The following CENPS variants were observed in gnomAD, a reference collection of about 807,000 sequenced individuals.
CENPS encodes the protein FANCM associated histone fold protein 1.
Under a neutral mutation model 17.9 loss-of-function variants are expected in CENPS, and 16 were observed. That is an observed-to-expected ratio of 0.90 (90% CI 0.61 to 1.36). The LOEUF is 1.36. Among genes scored for constraint, CENPS ranks in the 40% most tolerant of loss-of-function variants. The pLI, the probability that CENPS is intolerant of heterozygous loss-of-function variation, is 0.00. For missense variants in CENPS, 160 were observed against 158.6 expected (o/e 1.01, Z -0.05); for synonymous variants, 49 against 55.8 (o/e 0.88, Z 0.54).
intron 3 of CENPS, 135 bp downstream of exon 3, chr1:10,434,825 G>C: frequency 7.8e-7 from 1 of 1,275,362 alleles, no homozygotes; most frequent in Admixed American, 3.0e-5. Context: ...TCTAATCATG[G>C]TTCTGCAAGA....
intron 3 of CENPS, among the ~76,000 whole-genome samples, chr1:10,436,661 G>T (rs1412603090): frequency 2.0e-5 from 3 of 147,298 alleles, no homozygotes; most frequent in African/African-American, 7.6e-5. Context: ...AGTCGAGATC[G>T]TGCCCCTTCA....
At chr1:10,436,002 CAG>C (rs1432901598) in intron 3 of CENPS, among the ~76,000 whole-genome samples, 4 of 146,100 alleles carry the variant, frequency 2.7e-5, no homozygotes, top group African/African-American at 5.1e-5. Context: ...TTTTTGGAGA[CAG>C]AGTCTCACTC....
chr1:10,430,953 G>T, intron 1 of CENPS: 1 of 1,255,326 alleles, frequency 8.0e-7, no homozygotes, highest in Non-Finnish European at 1.0e-6. Flanking sequence ...GTTCGGGCCG[G>T]AGCTCTGGAA....
At chr1:10,439,154 T>C (rs961649183) in intron 3 of CENPS, among the ~76,000 whole-genome samples, 1 of 152,190 alleles carries the variant, frequency 6.6e-6, no homozygotes, top group Non-Finnish European at 1.5e-5. Context: ...TTTGGCCAAA[T>C]TATGGAGAAT....
chr1:10,438,157 T>C (rs1230726622), intron 3 of CENPS, among the ~76,000 whole-genome samples: 1 of 151,798 alleles, frequency 6.6e-6, no homozygotes, highest in Non-Finnish European at 1.5e-5. Flanking sequence ...GTTTTGTTTG[T>C]TTTTTGAGAC....
intron 1 of CENPS, among the ~76,000 whole-genome samples, chr1:10,432,115 T>G (rs1162435157): frequency 6.6e-6 from 1 of 152,040 alleles, no homozygotes; most frequent in African/African-American, 2.4e-5. Flanking sequence ...GAAACGTAGT[T>G]TCACTCTTGT....
In CENPS at chr1:10,431,010, G is replaced by T. The variant is rs1017343136; in HGVS notation, c.51+442G>T. On this transcript the variant is annotated intron_variant, in intron 1 of 4. Coordinates refer to ENST00000309048, the MANE Select transcript of CENPS (RefSeq NM_199294.3). ...CCCCTCGTTACTGATGCAGGGACGC[G>T]GTGCGGACCAGTCAGGCCCAGAGCT... 3.9e-6 allele frequency: 5 copies of T among 1,294,454 alleles called. No homozygotes were observed. The Admixed American group carries it at 1.4e-4, about 37-fold the overall frequency. 80.2% of individuals were successfully genotyped at this position (1,294,454 alleles called of 1,614,324 possible).
intron 3 of CENPS, among the ~76,000 whole-genome samples, chr1:10,435,396 G>A (rs1449924730): frequency 6.6e-6 from 1 of 151,818 alleles, no homozygotes; most frequent in Admixed American, 6.6e-5. Context: ...CCTTGTTCCC[G>A]TTAGCTCTTT....
In CENPS at chr1:10,442,308, A is replaced by T; in HGVS notation, c.320A>T (p.Asn107Ile). The T allele has an allele frequency of 6.2e-7, 1 of 1,603,968 alleles. No individual in the cohort carries two copies. The highest frequency in any genetic ancestry group is 8.5e-7 in the Non-Finnish European group (1 of 1,177,736). Reference sequence around the variant, plus strand: ...AAAAGTGAAGAGATTGCTCAGATTAACCTAGAACGAAAAGCACAGAAGAAA... The same window carrying T: ...AAAAGTGAAGAGATTGCTCAGATTATCCTAGAACGAAAAGCACAGAAGAAA... The part of the protein sequence containing the change: ...TDKSEEIAQI[N>I]LERKAQKKKK... Residue 107 changes from asparagine (N) to isoleucine (I), a missense_variant, in exon 5 of 5, where the codon AAC becomes ATC. By Grantham distance (149) the Asn-to-Ile change is moderately radical (BLOSUM62 -3). Coordinates refer to ENST00000309048, the MANE Select transcript of CENPS (RefSeq NM_199294.3).
intron 3 of CENPS, among the ~76,000 whole-genome samples, chr1:10,434,967 C>T (rs1451835305): frequency 6.6e-6 from 1 of 152,170 alleles, no homozygotes; most frequent in Non-Finnish European, 1.5e-5. Flanking sequence ...ATCTCCAGGA[C>T]CCTGAATGCT....
chr1:10,434,812 G>C (rs1053286788), intron 3 of CENPS, 122 bp downstream of exon 3: 1 of 1,340,564 alleles, frequency 7.5e-7, no homozygotes, highest in East Asian at 2.7e-5. Flanking sequence ...GTGGAGGCTT[G>C]TCTCTAATCA....
chr1:10,431,313 C>G (rs1319708858), intron 1 of CENPS: 1 of 1,535,222 alleles, frequency 6.5e-7, no homozygotes, highest in Non-Finnish European at 8.7e-7. Flanking sequence ...GCGGGAGTTT[C>G]CTCTCTACAA....
chr1:10,430,648 G>GGCGGCTTCTCATCGGCACC lies in CENPS; in HGVS notation c.51+81_51+99dup, dbSNP rs1553176435. The GGCGGCTTCTCATCGGCACC allele has an allele frequency of 2.7e-6, 4 of 1,478,292 alleles. No individual in the cohort carries two copies. The African/African-American group carries it at 5.9e-5, about 22-fold the overall frequency. 91.6% of individuals were successfully genotyped at this position (1,478,292 alleles called of 1,614,324 possible). ...GACAGAAAAGTACCCGGCAGCCCCC[G>GGCGGCTTCTCATCGGCACC]GCGGCTTCTCATCGGCACCCCGCCC... is the stretch of plus-strand genomic sequence containing the variant. On this transcript the variant is annotated intron_variant, in intron 1 of 4. Transcript: ENST00000309048.
chr1:10,442,586 A>G lies in CENPS; in HGVS notation c.*181A>G. On this transcript the variant is annotated 3_prime_UTR_variant, in exon 5 of 5. Coordinates refer to ENST00000309048, the MANE Select transcript of CENPS (RefSeq NM_199294.3). ...TGTTAACTGCCAAAGCTAGTTTTAGAGAATGAGAAAGTCTTAAGCAAAATA... is the reference window on the plus strand; with the variant it reads ...TGTTAACTGCCAAAGCTAGTTTTAGGGAATGAGAAAGTCTTAAGCAAAATA... The G allele has an allele frequency of 9.0e-7, 1 of 1,108,798 alleles. No individual in the cohort carries two copies. Among genetic ancestry groups the G allele is most frequent in the Non-Finnish European group, 1.2e-6 (1 of 863,630 alleles). The allele number at this position is 1,108,798 out of a possible 1,614,324, so 68.7% of individuals were successfully genotyped here. A position where few individuals can be genotyped will look rare whatever the true frequency, so the allele number is the denominator to read the frequency against.
intron 4 of CENPS, 37 bp downstream of exon 4, chr1:10,440,450 A>G (rs758089951): frequency 2.3e-5 from 37 of 1,608,910 alleles, no homozygotes; most frequent in Non-Finnish European, 3.0e-5. Context: ...CCCCTTTCCC[A>G]TCGGAATACA....
At chr1:10,440,840 T>A (rs1019621257) in intron 4 of CENPS, among the ~76,000 whole-genome samples, 1 of 151,786 alleles carries the variant, frequency 6.6e-6, no homozygotes, top group East Asian at 1.9e-4. Flanking sequence ...CTAGAAATCA[T>A]TTGACCAAGC....
rs768705279 is a variant in CENPS, at chr1:10,430,581, G to A, written c.51+13G>A. On this transcript the variant is annotated intron_variant, in intron 1 of 4. Transcript: ENST00000309048. ...CTCTTACCAACAGGTACAGGAAAAC[G>A]GGGGTCGGGCTGGGCTGGGGCAGGA... The A allele has an allele frequency of 2.0e-6, 3 of 1,533,728 alleles. No homozygotes were observed. The highest frequency in any genetic ancestry group is 8.8e-7 in the Non-Finnish European group (1 of 1,140,726).
At chr1:10,435,294 A>G (rs888282812) in intron 3 of CENPS, among the ~76,000 whole-genome samples, 1 of 152,192 alleles carries the variant, frequency 6.6e-6, no homozygotes, top group Non-Finnish European at 1.5e-5. Flanking sequence ...TTATGAAGCA[A>G]TTTGAATGAC....
intron 1 of CENPS, chr1:10,431,105 T>C: frequency 2.1e-6 from 3 of 1,407,154 alleles, no homozygotes; most frequent in Non-Finnish European, 2.8e-6. Flanking sequence ...CCAGACGCAA[T>C]TTTCTTCTCT....
Sources: gnomAD v4.1 joint callset for allele counts (sites outside exome capture counted in the v4.1 genomes callset) on GRCh38, gnomAD v4.1.1 for gene constraint, MANE v1.5 for transcripts, NCBI Gene and HGNC (gene_info 2026-07-23, HGNC 2026-07-21) for gene names.